Variants in ADGRB3 observed in about 807,000 individuals in gnomAD.
ADGRB3 encodes brain-specific angiogenesis inhibitor 3.
A neutral mutation model predicts 193.4 loss-of-function variants in ADGRB3; 37 were observed. That is an observed-to-expected ratio of 0.19 (90% CI 0.15 to 0.25). The LOEUF is 0.25. Ranked by LOEUF, ADGRB3 falls within the 10% of genes least tolerant of loss-of-function variation. The pLI, the probability that ADGRB3 is intolerant of heterozygous loss-of-function variation, is 1.00. For missense variants in ADGRB3, 1,637 were observed against 1,852.9 expected (o/e 0.88, Z 2.14); for synonymous variants, 690 against 644.2 (o/e 1.07, Z -1.08).
chr6:69,270,463 C>T (rs1030689380), intron 20 of ADGRB3, among the ~76,000 whole-genome samples: 1 of 152,108 alleles, frequency 6.6e-6, no homozygotes, highest in Admixed American at 6.6e-5. Context: ...AACTATAAGA[C>T]TTACCAGTCT....
At chr6:68,994,071 T>C in intron 11 of ADGRB3, 109 bp downstream of exon 11, 1 of 1,077,410 alleles carries the variant, frequency 9.3e-7, no homozygotes, top group South Asian at 1.6e-5. Flanking sequence ...AAGATAATGC[T>C]CATCCAAGTT....
intron 3 of ADGRB3, among the ~76,000 whole-genome samples, chr6:68,687,621 A>T (rs1393950401): frequency 1.3e-5 from 2 of 152,212 alleles, no homozygotes; most frequent in Non-Finnish European, 2.9e-5. Context: ...GCACATAATT[A>T]GCCAGCATTC....
intron 17 of ADGRB3, among the ~76,000 whole-genome samples, chr6:69,094,327 G>T (rs1175992597): frequency 2.6e-5 from 4 of 152,190 alleles, no homozygotes; most frequent in Non-Finnish European, 5.9e-5. Flanking sequence ...CTTATGCTCT[G>T]ACTTGTAATA....
At chr6:69,002,030 T>C (rs1769593100) in intron 11 of ADGRB3, among the ~76,000 whole-genome samples, 1 of 152,198 alleles carries the variant, frequency 6.6e-6, no homozygotes, top group African/African-American at 2.4e-5. Flanking sequence ...GCTACTTGTT[T>C]ATCTGATACA....
intron 24 of ADGRB3, among the ~76,000 whole-genome samples, chr6:69,336,676 G>C (rs1768856419): frequency 6.6e-6 from 1 of 151,742 alleles, no homozygotes; most frequent in African/African-American, 2.4e-5. Context: ...TGGGTATATT[G>C]GTTAAATTTA....
intron 3 of ADGRB3, among the ~76,000 whole-genome samples, chr6:68,771,649 G>T (rs1766620613): frequency 6.6e-6 from 1 of 152,042 alleles, no homozygotes; most frequent in Admixed American, 6.6e-5. Flanking sequence ...AAAGGAGAGA[G>T]AAATAGGAAG....
chr6:68,642,739 T>G (rs1161710110), intron 3 of ADGRB3, among the ~76,000 whole-genome samples: 1 of 151,678 alleles, frequency 6.6e-6, no homozygotes, highest in African/African-American at 2.4e-5. Context: ...TTTTTTTTTT[T>G]TCCAAATAAA....
At chr6:69,169,420 A>G (rs915288769) in intron 17 of ADGRB3, among the ~76,000 whole-genome samples, 54 of 151,610 alleles carry the variant, frequency 3.6e-4, no homozygotes, top group African/African-American at 1.3e-3. Flanking sequence ...AAGCTATTTC[A>G]GAACACTATA....
intron 3 of ADGRB3, among the ~76,000 whole-genome samples, chr6:68,868,951 G>GTGTGTGTGTGTGCGTGTGTT (rs781022363): frequency 9.3e-5 from 14 of 150,504 alleles, no homozygotes; most frequent in African/African-American, 3.4e-4. Flanking sequence ...GAGTGTGTGT[G>GTGTGTGTGTGTGCGTGTGTT]TTTAAACTTA....
At position 69,308,604 on chromosome 6, in the gene ADGRB3, T is replaced by C. The variant is rs187797172; in HGVS notation, c.2815-16268T>C. Among the ~76,000 whole-genome samples, 780 of 151,816 alleles carry C rather than the reference T, an allele frequency of 5.1e-3. 6 individuals carry two copies. Among genetic ancestry groups the C allele is most frequent in the African/African-American group, 0.018 (742 of 41,496 alleles). On this transcript the variant is annotated intron_variant, in intron 20 of 31. Transcript: ENST00000370598. ...GGTAATATTTAGGTTTAATTTTGAC[T>C]GTTAGTTGTAGGAAAATGCGAAAGA...
At chr6:69,250,226 A>T (rs966086139) in intron 20 of ADGRB3, among the ~76,000 whole-genome samples, 5 of 152,194 alleles carry the variant, frequency 3.3e-5, no homozygotes, top group Admixed American at 3.3e-4. Flanking sequence ...TGCCAATTAA[A>T]TTCTATCTGT....
intron 17 of ADGRB3, among the ~76,000 whole-genome samples, chr6:69,129,787 G>A (rs1023868271): frequency 1.3e-5 from 2 of 152,080 alleles, no homozygotes; most frequent in Admixed American, 1.3e-4. Context: ...ACTAATCATT[G>A]AGTCTTTACA....
At chr6:69,228,434 C>T (rs1320477952) in intron 17 of ADGRB3, among the ~76,000 whole-genome samples, 1 of 152,086 alleles carries the variant, frequency 6.6e-6, no homozygotes, top group Non-Finnish European at 1.5e-5. Context: ...AACGTATCAA[C>T]TAATATTATG....
At chr6:69,318,380 G>A (rs1291608764) in intron 20 of ADGRB3, among the ~76,000 whole-genome samples, 2 of 151,280 alleles carry the variant, frequency 1.3e-5, no homozygotes, top group African/African-American at 4.8e-5. Context: ...AATAAATTAT[G>A]GGGAGGTCAT....
chr6:68,643,438 C>CT (rs765489730), intron 3 of ADGRB3, among the ~76,000 whole-genome samples: 7,071 of 64,578 alleles, frequency 0.11, 1,016 homozygotes, highest in East Asian at 0.44. Flanking sequence ...CTTCATCTTC[C>CT]TTTTTTTTTT....
chr6:68,856,671 A>C (rs1381207896), intron 3 of ADGRB3, among the ~76,000 whole-genome samples: 1 of 151,892 alleles, frequency 6.6e-6, no homozygotes, highest in Non-Finnish European at 1.5e-5. Context: ...TTTAAAAGGG[A>C]AACAGCGTAT....
intron 20 of ADGRB3, among the ~76,000 whole-genome samples, chr6:69,297,676 A>G (rs1032055572): frequency 6.6e-6 from 1 of 152,002 alleles, no homozygotes; most frequent in South Asian, 2.1e-4. Context: ...AAGGGTGAAT[A>G]TGTTGGTAAT....
At chr6:69,332,351 AG>A (rs1327252852) in intron 23 of ADGRB3, 1 of 985,334 alleles carries the variant, frequency 1.0e-6, no homozygotes, top group African/African-American at 1.7e-5. Context: ...ATTGTGAAAA[AG>A]ATTCTGGTGA....
intron 4 of ADGRB3, among the ~76,000 whole-genome samples, chr6:68,933,593 A>G (rs776569345): frequency 2.0e-5 from 3 of 152,262 alleles, no homozygotes; most frequent in Non-Finnish European, 4.4e-5. Context: ...ACTTCGTCTC[A>G]ATAAGTAAAT....
Sources: allele counts gnomAD v4.1 joint callset (sites outside exome capture counted in the v4.1 genomes callset), GRCh38; gene constraint gnomAD v4.1.1; transcripts MANE v1.5; gene names NCBI Gene and HGNC (gene_info 2026-07-23, HGNC 2026-07-21).